PREX2: variants seen among roughly 807,000 people sequenced by gnomAD.
PREX2 encodes the protein phosphatidylinositol-3,4,5-trisphosphate dependent Rac exchange factor 2, also known as phosphatidylinositol 3,4,5-trisphosphate-dependent Rac exchanger 2 protein.
Under a neutral mutation model 203.2 loss-of-function variants are expected in PREX2, and 107 were observed. The ratio of observed to expected loss-of-function variants is 0.53; its 90% CI spans 0.45 to 0.62. The LOEUF (loss-of-function observed/expected upper bound fraction) is 0.62. Ranked by LOEUF, PREX2 falls within the 20% of genes least tolerant of loss-of-function variation. The pLI, the probability that PREX2 is intolerant of heterozygous loss-of-function variation, is 0.00. For missense variants in PREX2, 1,777 were observed against 1,955.9 expected, an observed-to-expected ratio of 0.91 and a Z score of 1.72; for synonymous variants, 672 against 663.6, an observed-to-expected ratio of 1.01 and a Z score of -0.19.
chr8:68,034,012 T>C (rs567855053), intron 6 of PREX2, among the ~76,000 whole-genome samples: 22 of 152,150 alleles, frequency 1.4e-4, no homozygotes, highest in Non-Finnish European at 3.2e-4. Context: ...TACGTGCTAT[T>C]ATATCCACTC....
At chr8:68,179,389 GT>G (rs1268178110) in intron 35 of PREX2, among the ~76,000 whole-genome samples, 6 of 151,928 alleles carry the variant, frequency 3.9e-5, no homozygotes, top group African/African-American at 1.5e-4. Flanking sequence ...ATATATCTGT[GT>G]GTGTTCTTTA....
chr8:68,152,289 G>GAAAAAAAAAAAAAA (rs573525316), intron 34 of PREX2, among the ~76,000 whole-genome samples: 2 of 72,918 alleles, frequency 2.7e-5, no homozygotes, highest in Non-Finnish European at 4.8e-5. Flanking sequence ...CCCTCTCAGA[G>GAAAAAAAAAAAAAA]AAAAAAAAAA....
At chr8:68,184,640 T>G (rs1486071063) in intron 35 of PREX2, among the ~76,000 whole-genome samples, 3 of 152,130 alleles carry the variant, frequency 2.0e-5, no homozygotes, top group Non-Finnish European at 2.9e-5. Context: ...AGCAAGAGTA[T>G]AGCAGAAATC....
intron 1 of PREX2, among the ~76,000 whole-genome samples, chr8:67,998,486 G>A (rs1001057015): frequency 3.9e-5 from 6 of 152,160 alleles, no homozygotes; most frequent in Non-Finnish European, 8.8e-5. Context: ...ATAAGTTCCT[G>A]AATCCAGGTA....
At chr8:68,085,810 A>G (rs1037806612) in intron 18 of PREX2, among the ~76,000 whole-genome samples, 1 of 152,194 alleles carries the variant, frequency 6.6e-6, no homozygotes, top group African/African-American at 2.4e-5. Flanking sequence ...TCAACCTTCC[A>G]TAGCAGTGTT....
At chr8:68,037,840 A>G (rs1190227185) in intron 6 of PREX2, among the ~76,000 whole-genome samples, 1 of 152,214 alleles carries the variant, frequency 6.6e-6, no homozygotes, top group Non-Finnish European at 1.5e-5. Flanking sequence ...AATTGTTAAC[A>G]TTATGAATTA....
chr8:68,212,027 C>G (rs1812751097), intron 37 of PREX2, among the ~76,000 whole-genome samples: 1 of 152,064 alleles, frequency 6.6e-6, no homozygotes. Flanking sequence ...TCATGTCAAC[C>G]AGAGAAGTAA....
intron 30 of PREX2, among the ~76,000 whole-genome samples, chr8:68,125,277 G>T (rs929810823): frequency 6.6e-6 from 1 of 152,032 alleles, no homozygotes; most frequent in African/African-American, 2.4e-5. Flanking sequence ...TTAATGAAAG[G>T]TTAGATCTTG....
chr8:68,091,910 A>G (rs1428375687), intron 20 of PREX2, among the ~76,000 whole-genome samples: 1 of 152,216 alleles, frequency 6.6e-6, no homozygotes, highest in East Asian at 1.9e-4. Context: ...CCAGATATCC[A>G]TTGCCACAAA....
intron 11 of PREX2, among the ~76,000 whole-genome samples, chr8:68,066,237 C>T (rs1809012284): frequency 6.6e-6 from 1 of 152,074 alleles, no homozygotes; most frequent in Non-Finnish European, 1.5e-5. Flanking sequence ...GAGTTACACA[C>T]CCAGAAGTAA....
intron 35 of PREX2, among the ~76,000 whole-genome samples, chr8:68,188,300 A>G (rs894630215): frequency 2.6e-5 from 4 of 152,208 alleles, no homozygotes; most frequent in African/African-American, 9.6e-5. Context: ...GGATGGAGCT[A>G]TATCAAAAAA....
At chr8:67,986,509 T>C (rs1237848095) in intron 1 of PREX2, among the ~76,000 whole-genome samples, 1 of 152,210 alleles carries the variant, frequency 6.6e-6, no homozygotes, top group African/African-American at 2.4e-5. Context: ...ATGACGTGCT[T>C]GCTTGCTACA....
chr8:67,974,789 T>A (rs962166952), intron 1 of PREX2, among the ~76,000 whole-genome samples: 7 of 152,230 alleles, frequency 4.6e-5, no homozygotes, highest in South Asian at 2.1e-4. Flanking sequence ...ATTTTAGAAA[T>A]AATTTTGTTT....
intron 35 of PREX2, among the ~76,000 whole-genome samples, chr8:68,190,973 A>C (rs980861706): frequency 2.0e-5 from 3 of 152,094 alleles, no homozygotes; most frequent in African/African-American, 7.2e-5. Flanking sequence ...TCCACTTTGC[A>C]TATTAAAATG....
At chr8:68,210,183 G>C (rs908606894) in intron 37 of PREX2, among the ~76,000 whole-genome samples, 1 of 152,014 alleles carries the variant, frequency 6.6e-6, no homozygotes, top group Non-Finnish European at 1.5e-5. Flanking sequence ...TCCCACCCTC[G>C]ATTTTAAAAA....
chr8:67,985,863 C>T (rs1318351155), intron 1 of PREX2, among the ~76,000 whole-genome samples: 2 of 152,186 alleles, frequency 1.3e-5, no homozygotes, highest in Non-Finnish European at 2.9e-5. Flanking sequence ...GACCTGTGTT[C>T]CCCACCAGAG....
chr8:68,203,738 C>A (rs1812553521), intron 37 of PREX2, among the ~76,000 whole-genome samples: 1 of 152,018 alleles, frequency 6.6e-6, no homozygotes, highest in Non-Finnish European at 1.5e-5. Flanking sequence ...CTCTGTGCAC[C>A]CTGATGAGGA....
chr8:67,984,834 A>G (rs1806370167), intron 1 of PREX2, among the ~76,000 whole-genome samples: 1 of 152,120 alleles, frequency 6.6e-6, no homozygotes, highest in Admixed American at 6.6e-5. Context: ...TTCCCAGAAG[A>G]GGAAATGCTG....
intron 1 of PREX2, among the ~76,000 whole-genome samples, chr8:67,956,044 C>T (rs1194744602): frequency 2.0e-5 from 3 of 152,160 alleles, no homozygotes; most frequent in Non-Finnish European, 2.9e-5. Flanking sequence ...GGATAGGTTA[C>T]ACTATCTAGA....
Sources: allele counts gnomAD v4.1 joint callset (sites outside exome capture counted in the v4.1 genomes callset), GRCh38; gene constraint gnomAD v4.1.1; transcripts MANE v1.5; gene names NCBI Gene and HGNC (gene_info 2026-07-23, HGNC 2026-07-21).